Variants in THOC5 observed in about 807,000 individuals in gnomAD.
THOC5 encodes Fms-interacting protein.
Under a neutral mutation model 92.9 loss-of-function variants are expected in THOC5, and 43 were observed. The ratio of observed to expected loss-of-function variants is 0.46; its 90% CI spans 0.36 to 0.60. The LOEUF (loss-of-function observed/expected upper bound fraction) is 0.60. THOC5 is among the 20% of genes least tolerant of loss of function. THOC5 has a pLI of 0.00. For synonymous variants in THOC5, 296 were observed against 320.1 expected (o/e 0.92, Z 0.80); for missense variants, 659 against 849.4 (o/e 0.78, Z 2.79).
intron 19 of THOC5, among the ~76,000 whole-genome samples, chr22:29,510,363 G>A (rs2063200907): frequency 6.6e-6 from 1 of 152,206 alleles, no homozygotes; most frequent in Non-Finnish European, 1.5e-5. Context: ...TTGGGAGGCT[G>A]AGACAAGCTG....
rs1391746454 is a variant in THOC5, at chr22:29,517,375, G to A, written c.1490-9C>T. On this transcript the variant is annotated splice_polypyrimidine_tract_variant and intron_variant, in intron 15 of 19. Transcript: ENST00000490103. ...TGGCACAATGCCATGTTCTAAAAGA[G>A]AACAAGACAGATGACGTCACAGGTA... is the stretch of plus-strand genomic sequence containing the variant. 1.2e-6 allele frequency: 2 copies of A among 1,611,832 alleles called. No individual in the cohort carries two copies.
At chr22:29,527,918 G>T (rs993379688) in intron 11 of THOC5, among the ~76,000 whole-genome samples, 160 bp downstream of exon 11, 2 of 152,154 alleles carry the variant, frequency 1.3e-5, no homozygotes, top group Non-Finnish European at 2.9e-5. Flanking sequence ...TTAACAAAAA[G>T]AAACAAAGTC....
chr22:29,548,699 A>G (rs957049544), intron 2 of THOC5, among the ~76,000 whole-genome samples: 1 of 152,116 alleles, frequency 6.6e-6, no homozygotes, highest in African/African-American at 2.4e-5. Flanking sequence ...TGGTTCTGGT[A>G]TTGTCTCAGC....
intron 8 of THOC5, chr22:29,531,252 G>GT (rs550685992): frequency 0.11 from 106,326 of 1,012,060 alleles, 7,478 homozygotes; most frequent in African/African-American, 0.33. Context: ...GTCTGATGAG[G>GT]TGGGGTGGGG....
intron 5 of THOC5, 22 bp downstream of exon 5, chr22:29,542,837 A>G: frequency 6.4e-7 from 1 of 1,563,484 alleles, no homozygotes; most frequent in Non-Finnish European, 8.8e-7. Context: ...CATGTGCCAA[A>G]GCCCTGTCCT....
intron 7 of THOC5, chr22:29,536,272 G>A (rs937317001): frequency 9.6e-5 from 20 of 207,390 alleles, no homozygotes; most frequent in African/African-American, 3.7e-4. Context: ...AAGCATGGTC[G>A]GGGGATCAAA....
At chr22:29,535,288 A>T (rs1261488384) in intron 7 of THOC5, 1 of 149,980 alleles carries the variant, frequency 6.7e-6, no homozygotes, top group Non-Finnish European at 1.5e-5. Context: ...AAAGCATTTT[A>T]AAGTCATGGG....
chr22:29,550,834 T>C (rs1216081205), intron 1 of THOC5: 1 of 152,210 alleles, frequency 6.6e-6, no homozygotes, highest in Non-Finnish European at 1.5e-5. Flanking sequence ...TCTTAAATAA[T>C]GCTGAACACC....
chr22:29,552,522 C>CG (rs1466692507), intron 1 of THOC5, among the ~76,000 whole-genome samples: 1 of 148,374 alleles, frequency 6.7e-6, no homozygotes. Context: ...CCGCCCCGTC[C>CG]GGGAGGTGGG....
chr22:29,538,196 A>G (rs1040204957), intron 6 of THOC5, among the ~76,000 whole-genome samples: 1 of 152,040 alleles, frequency 6.6e-6, no homozygotes, highest in Non-Finnish European at 1.5e-5. Flanking sequence ...GTTAGCCAGG[A>G]TGGTCTCGAT....
At chr22:29,540,779 C>CA (rs544322495) in intron 5 of THOC5, among the ~76,000 whole-genome samples, 98 of 152,246 alleles carry the variant, frequency 6.4e-4, no homozygotes, top group African/African-American at 2.2e-3. Context: ...CTTATCTAAC[C>CA]ACATTATACA....
chr22:29,528,493 GA>G, intron 9 of THOC5, 27 bp from the exon 10 acceptor site: 1 of 1,603,398 alleles, frequency 6.2e-7, no homozygotes, highest in African/African-American at 1.5e-5. Context: ...AAGGCAGCTA[GA>G]GGTGAGGGGG....
At position 29,536,524 on chromosome 22, in the gene THOC5, T is replaced by C. The variant is rs149747794; in HGVS notation, c.714+100A>G. ...ACAAGGCCATCCTTATACTATACTC[T>C]AATTTAGGGTAATAGACCTGGCAAA... On this transcript the variant is annotated intron_variant, in intron 7 of 19. Coordinates refer to ENST00000490103, the MANE Select transcript of THOC5 (RefSeq NM_003678.5). 4.3e-4 allele frequency: 310 copies of C among 715,104 alleles called. 1 individual carries two copies. Among genetic ancestry groups the C allele is most frequent in the African/African-American group, 3.8e-3 (221 of 57,554 alleles). 44.3% of individuals were successfully genotyped at this position (715,104 alleles called of 1,614,324 possible). A position where few individuals can be genotyped will look rare whatever the true frequency, so the allele number is the denominator to read the frequency against.
At chr22:29,546,233 A>AC (rs1296594500) in intron 2 of THOC5, among the ~76,000 whole-genome samples, 1 of 152,056 alleles carries the variant, frequency 6.6e-6, no homozygotes, top group East Asian at 1.9e-4. Flanking sequence ...GGCCCAGAAA[A>AC]CCACTTTTTC....
At chr22:29,535,146 C>T (rs1408893544) in intron 7 of THOC5, 2 of 150,262 alleles carry the variant, frequency 1.3e-5, no homozygotes, top group Admixed American at 1.3e-4. Context: ...TGCCTGTAAA[C>T]CCAGCTACTC....
intron 2 of THOC5, among the ~76,000 whole-genome samples, chr22:29,546,821 T>A (rs1377848348): frequency 6.6e-6 from 1 of 151,982 alleles, no homozygotes; most frequent in Non-Finnish European, 1.5e-5. Context: ...ATGGAATGCT[T>A]TTAACAGTAC....
At position 29,508,336 on chromosome 22, in the gene THOC5, A is replaced by T. The variant is rs987826362; in HGVS notation, c.*121T>A. 1.1e-5 allele frequency: 12 copies of T among 1,065,488 alleles called. No homozygotes were observed. The highest frequency in any genetic ancestry group is 1.5e-5 in the Non-Finnish European group (11 of 720,622). 66.0% of individuals were successfully genotyped at this position (1,065,488 alleles called of 1,614,324 possible). On this transcript the variant is annotated 3_prime_UTR_variant, in exon 20 of 20. Transcript: ENST00000490103. ...ACAGACAAAGGCCACTGGTCAGGTG[A>T]CGCTTTTTAATTGGCTGGTGTCTTT...
intron 8 of THOC5, 31 bp downstream of exon 8, chr22:29,531,800 C>A: frequency 6.2e-7 from 1 of 1,602,048 alleles, no homozygotes; most frequent in Non-Finnish European, 8.5e-7. Flanking sequence ...GCTCCCATAG[C>A]CCCTTGTCCT....
chr22:29,550,354 TC>T (rs1208682783), intron 1 of THOC5, among the ~76,000 whole-genome samples: 1 of 151,596 alleles, frequency 6.6e-6, no homozygotes, highest in African/African-American at 2.4e-5. Flanking sequence ...CAGCCTCTCA[TC>T]TAGTGATGCC....
Sources: allele counts gnomAD v4.1 joint callset (sites outside exome capture counted in the v4.1 genomes callset), GRCh38; gene constraint gnomAD v4.1.1; transcripts MANE v1.5; gene names NCBI Gene and HGNC (gene_info 2026-07-23, HGNC 2026-07-21).